DEFB119: variants seen among roughly 807,000 people sequenced by gnomAD.
DEFB119 encodes the protein defensin beta 119.
DEFB119 carries 3 observed loss-of-function variants against 2.5 expected under a neutral mutation model. The ratio of observed to expected loss-of-function variants is 1.19; its 90% CI spans 0.54 to 3.07. The LOEUF is 3.07. DEFB119 is among the 30% of genes most tolerant of loss of function. The pLI is 0.03. For missense variants in DEFB119, 113 were observed against 101.1 expected, an observed-to-expected ratio of 1.12 and a Z score of -0.50; for synonymous variants, 29 against 33.7, an observed-to-expected ratio of 0.86 and a Z score of 0.48.
At chr20:31,386,867 G>A (rs1986725927) in intron 1 of DEFB119, among the ~76,000 whole-genome samples, 1 of 137,052 alleles carries the variant, frequency 7.3e-6, no homozygotes, top group African/African-American at 2.9e-5. Flanking sequence ...AGGCTGGAGT[G>A]CAGTGGCGGG....
At chr20:31,377,974 C>T (rs767846192) in intron 1 of DEFB119, among the ~76,000 whole-genome samples, 2 of 152,218 alleles carry the variant, frequency 1.3e-5, no homozygotes, top group African/African-American at 4.8e-5. Flanking sequence ...AAGAAGGCTA[C>T]GTGGAGAGCC....
At chr20:31,384,403 G>A (rs552266665) in intron 1 of DEFB119, among the ~76,000 whole-genome samples, 81 of 151,898 alleles carry the variant, frequency 5.3e-4, no homozygotes, top group African/African-American at 1.7e-3. Flanking sequence ...CATGTGCCCC[G>A]TAAATATATA....
rs148428945 is a variant in DEFB119, at chr20:31,386,810, CTTTTTTTTTTTT to C, written c.61+3601_61+3612del. ...GTATTTTCTTTTTCTTTTTCTTTTT[CTTTTTTTTTTTT>C]TTTTTTTTTGAGACGGAGTCTCGCT... is the stretch of plus-strand genomic sequence containing the variant. On this transcript the variant is annotated intron_variant, in intron 1 of 1. Coordinates refer to ENST00000376321, the MANE Select transcript of DEFB119 (RefSeq NM_153289.4). Among the ~76,000 whole-genome samples, 4 of 108,904 alleles carry C rather than the reference CTTTTTTTTTTTT, an allele frequency of 3.7e-5. No homozygotes were observed. The Admixed American group carries it at 4.1e-4, about 11-fold the overall frequency. 71.4% of individuals were successfully genotyped at this position (108,904 alleles called of 152,430 possible). A position where few individuals can be genotyped will look rare whatever the true frequency, so the allele number is the denominator to read the frequency against.
At chr20:31,378,539 C>A (rs1986388659) in intron 1 of DEFB119, 2 of 1,318,388 alleles carry the variant, frequency 1.5e-6, no homozygotes, top group South Asian at 1.5e-5. Flanking sequence ...AAAAAAAAGA[C>A]AATCAACAGA....
Position 31,379,887 on chromosome 20 carries a change from G to A in DEFB119, c.62-2448C>T, listed in dbSNP as rs538952631. Among the ~76,000 whole-genome samples, 7 of 152,118 alleles carry A rather than the reference G, an allele frequency of 4.6e-5. No homozygotes were observed. The East Asian group carries it at 7.7e-4, about 17-fold the overall frequency. On this transcript the variant is annotated intron_variant, in intron 1 of 1. Transcript: ENST00000376321. ...TCACCATGTTAGCCAGGATAGCCTCGATTTCCTGACCTCGTGATCTGCCCA... is the reference window on the plus strand; with the variant it reads ...TCACCATGTTAGCCAGGATAGCCTCAATTTCCTGACCTCGTGATCTGCCCA...
rs752398180 is a variant in DEFB119, at chr20:31,377,369, C to T, written c.132G>A (p.Gln44=). The change falls in exon 2 of 2, where the codon CAG becomes CAA. Residue 44 remains glutamine (Q), a synonymous_variant. Transcript: ENST00000376321. The stretch of plus-strand genomic sequence containing the variant: ...GACAATTTCTGCAATAGAGGTAGGG[C>T]TGTTCGTTCTTTTTGCAAGAGGCCC... ...ICRASCKKNE[Q]PYLYCRNCQS... The T allele has an allele frequency of 4.3e-6, 7 of 1,614,130 alleles. No homozygotes were observed. In the South Asian group the frequency reaches 7.7e-5, roughly 18 times the overall value.
intron 1 of DEFB119, 149 bp downstream of exon 1, chr20:31,390,274 A>C: frequency 1.3e-6 from 1 of 777,546 alleles, no homozygotes; most frequent in Non-Finnish European, 2.2e-6. Flanking sequence ...AGAATCAGAG[A>C]GAGATATTAA....
chr20:31,383,306 G>A (rs1322099174), intron 1 of DEFB119, among the ~76,000 whole-genome samples: 2 of 152,146 alleles, frequency 1.3e-5, no homozygotes, highest in Non-Finnish European at 1.5e-5. Context: ...CACTTTGGGA[G>A]GCCGAGGTGG....
intron 1 of DEFB119, among the ~76,000 whole-genome samples, chr20:31,379,034 T>C (rs1986408028): frequency 6.6e-6 from 1 of 151,666 alleles, no homozygotes; most frequent in South Asian, 2.1e-4. Context: ...GCCTCCCAGG[T>C]TCAAGCGATT....
At chr20:31,387,643 GC>G (rs1986758470) in intron 1 of DEFB119, among the ~76,000 whole-genome samples, 1 of 152,130 alleles carries the variant, frequency 6.6e-6, no homozygotes, top group Non-Finnish European at 1.5e-5. Context: ...GCAAACAAGA[GC>G]ATCCCTTGAT....
At chr20:31,379,972 T>C (rs964019178) in intron 1 of DEFB119, among the ~76,000 whole-genome samples, 1 of 152,148 alleles carries the variant, frequency 6.6e-6, no homozygotes, top group African/African-American at 2.4e-5. Context: ...GCAAATACTG[T>C]TGAGTCTTAA....
intron 1 of DEFB119, among the ~76,000 whole-genome samples, chr20:31,387,543 C>T (rs75931454): frequency 0.015 from 2,266 of 152,330 alleles, 27 homozygotes; most frequent in Non-Finnish European, 0.022. Flanking sequence ...CCTCAGAACT[C>T]CATGCAGGAA....
intron 1 of DEFB119, chr20:31,389,111 C>T (rs1394969653): frequency 6.2e-7 from 1 of 1,614,172 alleles, no homozygotes; most frequent in Non-Finnish European, 8.5e-7. Flanking sequence ...TGAATTGTTA[C>T]TGGTTGGATT....
chr20:31,385,559 A>G (rs1339903096), intron 1 of DEFB119, among the ~76,000 whole-genome samples: 3 of 152,108 alleles, frequency 2.0e-5, no homozygotes, highest in African/African-American at 7.2e-5. Flanking sequence ...TATAGCTATT[A>G]TAATTGTTAA....
rs11558232 is a variant in DEFB119 at position 31,377,314 on chromosome 20, T to G, written c.187A>C (p.Ile63Leu). Residue 63 changes from isoleucine to leucine, a missense_variant, in exon 2 of 2, where the codon ATA becomes CTA. Transcript: ENST00000376321. ...TTTTCCTCTTTGCCAGAAATGCTTA[T>G]CCTCATGTAGGACTGGAGGCAGCAG... ...QSCCLQSYMR[I>L]SISGKEENTD... 1 of 1,614,136 alleles carries G rather than the reference T, an allele frequency of 6.2e-7. No individual in the cohort carries two copies. The highest frequency in any genetic ancestry group is 1.7e-4 in the Middle Eastern group (1 of 6,060).
At chr20:31,380,698 T>C (rs754708188) in intron 1 of DEFB119, among the ~76,000 whole-genome samples, 2 of 152,158 alleles carry the variant, frequency 1.3e-5, no homozygotes, top group African/African-American at 4.8e-5. Flanking sequence ...TTCCAATGAA[T>C]TGCTTTTGCA....
At chr20:31,390,275 G>A in intron 1 of DEFB119, 148 bp downstream of exon 1, 1 of 781,776 alleles carries the variant, frequency 1.3e-6, no homozygotes, top group South Asian at 1.5e-5. Flanking sequence ...GAATCAGAGA[G>A]AGATATTAAC....
At chr20:31,381,507 G>T (rs1986504134) in intron 1 of DEFB119, among the ~76,000 whole-genome samples, 1 of 152,172 alleles carries the variant, frequency 6.6e-6, no homozygotes, top group African/African-American at 2.4e-5. Context: ...TAGTGTGGAT[G>T]GATCTCAAGA....
chr20:31,385,054 T>C (rs1158024275), intron 1 of DEFB119, among the ~76,000 whole-genome samples: 1 of 152,166 alleles, frequency 6.6e-6, no homozygotes, highest in African/African-American at 2.4e-5. Context: ...GAATCCACAA[T>C]ACAATTAACA....
Sources: gnomAD v4.1 joint callset for allele counts (sites outside exome capture counted in the v4.1 genomes callset) on GRCh38, gnomAD v4.1.1 for gene constraint, MANE v1.5 for transcripts, NCBI Gene and HGNC (gene_info 2026-07-23, HGNC 2026-07-21) for gene names.